The following NPAS3 variants were observed in gnomAD, a reference collection of about 807,000 sequenced individuals.
NPAS3 encodes the protein neuronal PAS domain-containing protein 3.
A neutral mutation model predicts 73.1 loss-of-function variants in NPAS3; 14 were observed. That is an observed-to-expected ratio of 0.19 (90% CI 0.13 to 0.30). The LOEUF (loss-of-function observed/expected upper bound fraction) is 0.30. NPAS3 is among the 10% of genes least tolerant of loss of function. NPAS3 has a pLI of 1.00. For synonymous variants in NPAS3, 620 were observed against 541.5 expected (o/e 1.14, Z -2.01); for missense variants, 1,096 against 1,250.0 (o/e 0.88, Z 1.86).
At position 33,778,581 on chromosome 14, in the gene NPAS3, C is replaced by T. The variant is rs2062890067; in HGVS notation, c.1153+9C>T. ...GCACAGTCACTTGGACTGTAAGTAC[C>T]TCCTGTGTGGGGGAATAACCCCGGC... On this transcript the variant is annotated intron_variant, in intron 9 of 11. Coordinates refer to ENST00000356141, the Ensembl canonical transcript of NPAS3. 3 of 1,588,010 alleles carry T rather than the reference C, an allele frequency of 1.9e-6. No individual in the cohort carries two copies. Among genetic ancestry groups the T allele is most frequent in the South Asian group, 1.1e-5 (1 of 90,570 alleles).
In NPAS3 at chr14:33,296,587, A is replaced by G. The variant is rs187311406; in HGVS notation, c.386-70599A>G. ...CAGCTGGTAACCACCACTATATCAC[A>G]ATTATGTTTGGATGTAGATGTGACT... On this transcript the variant is annotated intron_variant, in intron 3 of 11. Transcript: ENST00000356141. Among the ~76,000 whole-genome samples the G allele has an allele frequency of 2.6e-3, 393 of 152,266 alleles. 1 individual carries two copies. The highest frequency in any genetic ancestry group is 3.9e-3 in the Non-Finnish European group (262 of 68,026).
At chr14:33,297,781 C>G (rs2042362465) in intron 3 of NPAS3, among the ~76,000 whole-genome samples, 2 of 152,186 alleles carry the variant, frequency 1.3e-5, no homozygotes, top group Non-Finnish European at 2.9e-5. Context: ...TCTGAGCTCG[C>G]TAGTTCACTG....
At chr14:33,037,609 T>C (rs866322956) in intron 1 of NPAS3, among the ~76,000 whole-genome samples, 3 of 152,040 alleles carry the variant, frequency 2.0e-5, no homozygotes, top group South Asian at 4.2e-4. Context: ...GAGGCTGCAG[T>C]GAGCTGTGAT....
chr14:33,707,911 G>T (rs995179831), intron 6 of NPAS3, among the ~76,000 whole-genome samples: 1 of 152,180 alleles, frequency 6.6e-6, no homozygotes, highest in African/African-American at 2.4e-5. Context: ...TCTGAACCGG[G>T]GGGTGGTGAG....
At chr14:33,332,274 C>T (rs1350728980) in intron 3 of NPAS3, among the ~76,000 whole-genome samples, 1 of 152,138 alleles carries the variant, frequency 6.6e-6, no homozygotes, top group African/African-American at 2.4e-5. Flanking sequence ...AGTTTGCCGG[C>T]ATCTCTCCAT....
chr14:33,031,325 G>A (rs866732426), intron 1 of NPAS3, among the ~76,000 whole-genome samples: 1 of 152,190 alleles, frequency 6.6e-6, no homozygotes, highest in African/African-American at 2.4e-5. Context: ...GCAAAAGGAA[G>A]TTTATTATCC....
chr14:33,358,513 T>C (rs1009615503), intron 3 of NPAS3, among the ~76,000 whole-genome samples: 1 of 152,148 alleles, frequency 6.6e-6, no homozygotes, highest in African/African-American at 2.4e-5. Flanking sequence ...CTGGCCATGA[T>C]AGTGCACTGT....
intron 3 of NPAS3, among the ~76,000 whole-genome samples, chr14:33,277,455 A>T (rs1033728948): frequency 6.6e-6 from 1 of 152,198 alleles, no homozygotes; most frequent in African/African-American, 2.4e-5. Context: ...CTTTCATGGA[A>T]CTTACCTTCT....
intron 1 of NPAS3, among the ~76,000 whole-genome samples, chr14:32,949,566 A>G (rs1348735747): frequency 2.0e-5 from 3 of 152,066 alleles, no homozygotes; most frequent in African/African-American, 7.2e-5. Flanking sequence ...ATAAGCAAAG[A>G]GAAAAGAATG....
chr14:33,295,606 A>T (rs886076314), intron 3 of NPAS3, among the ~76,000 whole-genome samples: 3 of 152,236 alleles, frequency 2.0e-5, no homozygotes, highest in Non-Finnish European at 2.9e-5. Flanking sequence ...TAGGTAAAGC[A>T]TATAGATTGG....
At chr14:33,217,143 G>T (rs1250028684) in intron 3 of NPAS3, among the ~76,000 whole-genome samples, 1 of 152,002 alleles carries the variant, frequency 6.6e-6, no homozygotes, top group Admixed American at 6.6e-5. Flanking sequence ...AGCAAAAGGG[G>T]AATTGCCACT....
chr14:33,802,392 G>GAAAAAAAAAAAAAAAAAAAAAAAAAAAA, downstream of NPAS3: 1 of 92,212 alleles, frequency 1.1e-5, no homozygotes, highest in South Asian at 4.4e-4. Flanking sequence ...AAAAAAAAAA[G>GAAAAAAAAAAAAAAAAAAAAAAAAAAAA]AAAAAAAAAA....
chr14:33,785,254 T>C (rs540068039), intron 9 of NPAS3, among the ~76,000 whole-genome samples: 3 of 151,418 alleles, frequency 2.0e-5, no homozygotes, highest in Admixed American at 6.6e-5. Context: ...GCCAACACAG[T>C]GAAACCCCAT....
At chr14:33,200,280 C>G (rs2046564802) in intron 2 of NPAS3, among the ~76,000 whole-genome samples, 1 of 151,770 alleles carries the variant, frequency 6.6e-6, no homozygotes, top group Non-Finnish European at 1.5e-5. Context: ...ACTCTCTGGG[C>G]TACTTTTACT....
Position 33,519,530 on chromosome 14 carries a change from A to G in NPAS3, c.469-40591A>G, listed in dbSNP as rs1170986589. ...TGAAGTCAGAGCCATCTGGGTGCCA[A>G]ATCAGGGTTTGCTGCGTATTATTTG... On this transcript the variant is annotated intron_variant, in intron 4 of 11. Transcript: ENST00000356141. Among the ~76,000 whole-genome samples, 3 of 152,232 alleles carry G rather than the reference A, an allele frequency of 2.0e-5. 1 individual carries two copies. The South Asian group carries it at 6.2e-4, about 32-fold the overall frequency.
chr14:33,053,954 C>T (rs549381800), intron 1 of NPAS3, among the ~76,000 whole-genome samples: 11 of 152,254 alleles, frequency 7.2e-5, no homozygotes, highest in African/African-American at 2.6e-4. Flanking sequence ...TATAAGAAAT[C>T]AATTTTAAAG....
At chr14:33,685,943 C>A (rs1024103642) in intron 6 of NPAS3, among the ~76,000 whole-genome samples, 1 of 152,126 alleles carries the variant, frequency 6.6e-6, no homozygotes, top group African/African-American at 2.4e-5. Context: ...TTATAGAGAA[C>A]AGGAGAGGTA....
At chr14:33,039,580 G>A (rs574078379) in intron 1 of NPAS3, among the ~76,000 whole-genome samples, 16 of 152,254 alleles carry the variant, frequency 1.1e-4, no homozygotes, top group African/African-American at 3.6e-4. Context: ...GACCTGTTTC[G>A]TGACCTCCAT....
At chr14:33,079,918 G>A (rs1461396565) in intron 2 of NPAS3, among the ~76,000 whole-genome samples, 1 of 151,590 alleles carries the variant, frequency 6.6e-6, no homozygotes, top group African/African-American at 2.4e-5. Flanking sequence ...CAGTTGAATT[G>A]TACTTTTTCT....
Sources: gnomAD v4.1 joint callset for allele counts (sites outside exome capture counted in the v4.1 genomes callset) on GRCh38, gnomAD v4.1.1 for gene constraint, MANE v1.5 for transcripts, NCBI Gene and HGNC (gene_info 2026-07-23, HGNC 2026-07-21) for gene names.